The following PCYOX1 variants were observed in gnomAD, a reference collection of about 807,000 sequenced individuals.
PCYOX1 encodes prenylcysteine oxidase 1, also known as prenylcysteine lyase.
PCYOX1 carries 46 observed loss-of-function variants against 46.4 expected under a neutral mutation model. The observed-to-expected ratio is 0.99, with a 90% CI of 0.78 to 1.27. The LOEUF is 1.27. Among genes scored for constraint, PCYOX1 ranks in the 50% most tolerant of loss-of-function variants. The pLI, the probability that PCYOX1 is intolerant of heterozygous loss-of-function variation, is 0.00. For missense variants in PCYOX1, 658 were observed against 628.3 expected, an observed-to-expected ratio of 1.05 and a Z score of -0.51; for synonymous variants, 220 against 231.8, an observed-to-expected ratio of 0.95 and a Z score of 0.46.
At chr2:70,261,008 A>C (rs1696427806) in intron 2 of PCYOX1, among the ~76,000 whole-genome samples, 1 of 152,218 alleles carries the variant, frequency 6.6e-6, no homozygotes, top group Non-Finnish European at 1.5e-5. Context: ...ATATATTAAT[A>C]TTTACATGAT....
At chr2:70,275,687 G>C (rs1212804924) in intron 5 of PCYOX1, 21 bp downstream of exon 5, 1 of 1,559,354 alleles carries the variant, frequency 6.4e-7, no homozygotes, top group East Asian at 2.3e-5. Flanking sequence ...ATTTCTTATT[G>C]TTCCTGATAT....
intron 1 of PCYOX1, 34 bp from the exon 2 acceptor site, chr2:70,259,326 G>T (rs765868198): frequency 8.2e-6 from 13 of 1,580,568 alleles, no homozygotes; most frequent in Non-Finnish European, 1.0e-5. Context: ...TGGTAAAAGG[G>T]GAAAATATAA....
chr2:70,267,859 T>C (rs1013869195), intron 3 of PCYOX1, among the ~76,000 whole-genome samples: 1 of 152,068 alleles, frequency 6.6e-6, no homozygotes, highest in African/African-American at 2.4e-5. Context: ...TCACCCAGGC[T>C]GGAGTGCAGT....
chr2:70,269,695 G>A (rs921331540), intron 3 of PCYOX1, among the ~76,000 whole-genome samples: 1 of 152,192 alleles, frequency 6.6e-6, no homozygotes, highest in East Asian at 1.9e-4. Flanking sequence ...CATAGCCTCC[G>A]GCATCTGTGA....
Position 70,281,060 on chromosome 2 carries a change from CT to C in PCYOX1, c.*3669del, listed in dbSNP as rs1266624225. On this transcript the variant is annotated 3_prime_UTR_variant, in exon 6 of 6. Transcript: ENST00000433351. Reference sequence around the variant, plus strand: ...ATTGTGGACAGCATCCTCACTACCCCTCTCTACTCACTCACAAAGAACCATG... The same window carrying C: ...ATTGTGGACAGCATCCTCACTACCCCCTCTACTCACTCACAAAGAACCATG... 6.6e-6 allele frequency: 1 copy of C among 152,218 alleles called. No homozygotes were observed. The highest frequency in any genetic ancestry group is 2.4e-5 in the African/African-American group (1 of 41,450). 9.4% of individuals were successfully genotyped at this position (152,218 alleles called of 1,614,324 possible).
At chr2:70,270,373 T>C (rs1437779046) in intron 3 of PCYOX1, among the ~76,000 whole-genome samples, 1 of 152,218 alleles carries the variant, frequency 6.6e-6, no homozygotes, top group African/African-American at 2.4e-5. Flanking sequence ...GAGTCAATGT[T>C]GATCATTTTT....
intron 3 of PCYOX1, among the ~76,000 whole-genome samples, chr2:70,265,491 G>A (rs1696509244): frequency 1.3e-5 from 2 of 152,172 alleles, no homozygotes; most frequent in South Asian, 2.1e-4. Context: ...GCGCTCAGCC[G>A]GATGCCATTC....
chr2:70,275,562 G>T lies in PCYOX1; in HGVS notation c.755G>T (p.Gly252Val). ...GATTCTGGCCTTTGGGCAGTAGAAG[G>T]TGGCAATAAACTTGTTTGCTCAGGG... ...CSDSGLWAVEGGNKLVCSGLL... is the reference protein window; with the variant it reads ...CSDSGLWAVEVGNKLVCSGLL... Residue 252 changes from glycine (G) to valine (V), a missense_variant, in exon 5 of 6, where the codon GGT becomes GTT. Physicochemically the swap from Gly to Val is moderately radical, Grantham distance 109. Coordinates refer to ENST00000433351, the MANE Select transcript of PCYOX1 (RefSeq NM_016297.4). 3 of 1,614,080 alleles carry T rather than the reference G, an allele frequency of 1.9e-6. No homozygotes were observed. Among genetic ancestry groups the T allele is most frequent in the Non-Finnish European group, 2.5e-6 (3 of 1,179,982 alleles).
At position 70,274,948 on chromosome 2, in the gene PCYOX1, C is replaced by G; in HGVS notation, c.495-11C>G. 1 of 1,538,026 alleles carries G rather than the reference C, an allele frequency of 6.5e-7. No homozygotes were observed. Among genetic ancestry groups the G allele is most frequent in the Non-Finnish European group, 9.0e-7 (1 of 1,110,578 alleles). ...GTTTGGTATTTAATGGATTTCTCTTCTTTTCCAAAGGATCTACCGCTACCA... is the reference window on the plus strand; with the variant it reads ...GTTTGGTATTTAATGGATTTCTCTTGTTTTCCAAAGGATCTACCGCTACCA... On this transcript the variant is annotated splice_polypyrimidine_tract_variant and intron_variant, in intron 3 of 5. Transcript: ENST00000433351.
rs758995433 is a variant in PCYOX1 at position 70,276,793 on chromosome 2, T to C, written c.919T>C (p.Phe307Leu). ...AATTGGAACTGAGACTCGTTCAGAC[T>C]TCTATGACATCGTCTTGGTGGCCAC... is the stretch of plus-strand genomic sequence containing the variant. ...YQIGTETRSD[F>L]YDIVLVATPL... The change falls in exon 6 of 6, where the codon TTC becomes CTC. Residue 307 changes from phenylalanine to leucine, a missense_variant. Coordinates refer to ENST00000433351, the MANE Select transcript of PCYOX1 (RefSeq NM_016297.4). The C allele has an allele frequency of 1.9e-6, 3 of 1,612,720 alleles. No homozygotes were observed. Among genetic ancestry groups the C allele is most frequent in the Middle Eastern group, 1.7e-4 (1 of 6,048 alleles).
intron 2 of PCYOX1, among the ~76,000 whole-genome samples, chr2:70,259,884 T>C (rs1203431101): frequency 6.6e-6 from 1 of 152,134 alleles, no homozygotes; most frequent in African/African-American, 2.4e-5. Context: ...GGTGCGATCT[T>C]GGCTCACTGC....
chr2:70,270,037 C>A (rs1371976960), intron 3 of PCYOX1, among the ~76,000 whole-genome samples: 1 of 152,032 alleles, frequency 6.6e-6, no homozygotes, highest in East Asian at 1.9e-4. Context: ...TCTTGTCGCC[C>A]AGGCTGGAGT....
At chr2:70,271,462 T>C (rs568900436) in intron 3 of PCYOX1, among the ~76,000 whole-genome samples, 9 of 151,980 alleles carry the variant, frequency 5.9e-5, no homozygotes, top group Non-Finnish European at 1.0e-4. Flanking sequence ...CTCCAAACCA[T>C]ACATTTATAA....
At chr2:70,264,515 T>C (rs60008880) in intron 3 of PCYOX1, among the ~76,000 whole-genome samples, 12,317 of 151,212 alleles carry the variant, frequency 0.081, 531 homozygotes, top group East Asian at 0.18. Flanking sequence ...TTAGTAGAGA[T>C]GGGGTTTTAC....
In PCYOX1 at chr2:70,276,872, T is replaced by C. The variant is rs1253355156; in HGVS notation, c.998T>C (p.Ile333Thr). ...NITFLNFDPP[I>T]EEFHQYYQHI... ...ACTTTTCTCAACTTTGATCCTCCAA[T>C]TGAGGAATTCCATCAATATTATCAA... Residue 333 changes from isoleucine to threonine, a missense_variant, in exon 6 of 6, where the codon ATT (isoleucine) becomes ACT (threonine). Ile to Thr is a moderately conservative substitution (Grantham distance 89). Transcript: ENST00000433351. 4 of 1,613,666 alleles carry C rather than the reference T, an allele frequency of 2.5e-6. No individual in the cohort carries two copies. Among genetic ancestry groups the C allele is most frequent in the Non-Finnish European group, 2.5e-6 (3 of 1,179,616 alleles).
At chr2:70,267,469 G>C (rs1043800366) in intron 3 of PCYOX1, among the ~76,000 whole-genome samples, 1 of 152,102 alleles carries the variant, frequency 6.6e-6, no homozygotes, top group Admixed American at 6.5e-5. Context: ...AGCGAGCCGA[G>C]ATCACGCCAC....
intron 3 of PCYOX1, among the ~76,000 whole-genome samples, chr2:70,264,294 G>A (rs1202962356): frequency 6.7e-6 from 1 of 150,264 alleles, no homozygotes; most frequent in Non-Finnish European, 1.5e-5. Flanking sequence ...TGGCTTGCTT[G>A]AGATGTAGAG....
chr2:70,265,435 C>T (rs985538550), intron 3 of PCYOX1, among the ~76,000 whole-genome samples: 1 of 152,104 alleles, frequency 6.6e-6, no homozygotes, highest in Non-Finnish European at 1.5e-5. Flanking sequence ...AAGTGATCCT[C>T]CCACCTTGGC....
intron 3 of PCYOX1, among the ~76,000 whole-genome samples, chr2:70,272,125 ATTT>A (rs553647193): frequency 1.5e-5 from 2 of 133,636 alleles, no homozygotes; most frequent in Non-Finnish European, 3.2e-5. Flanking sequence ...CTAATTTTTA[ATTT>A]TTTTTTTTTT....
Sources: gnomAD v4.1 joint callset for allele counts (sites outside exome capture counted in the v4.1 genomes callset) on GRCh38, gnomAD v4.1.1 for gene constraint, MANE v1.5 for transcripts, NCBI Gene and HGNC (gene_info 2026-07-23, HGNC 2026-07-21) for gene names.